Variants in DMD observed in about 807,000 individuals in gnomAD.
The protein encoded by DMD is mutant dystrophin.
A neutral mutation model predicts 330.1 loss-of-function variants in DMD; 63 were observed. The ratio of observed to expected loss-of-function variants is 0.19; its 90% CI spans 0.16 to 0.24. The LOEUF is 0.24. Among genes scored for constraint, DMD ranks in the 10% least tolerant of loss-of-function variants. The pLI is 1.00. For missense variants in DMD, 3,344 were observed against 2,684.1 expected, an observed-to-expected ratio of 1.25 and a Z score of -5.43; for synonymous variants, 1,223 against 959.8, an observed-to-expected ratio of 1.27 and a Z score of -5.07.
intron 1 of DMD, among the ~76,000 whole-genome samples, chrX:33,220,183 C>T (rs887795811): frequency 2.7e-5 from 3 of 111,171 alleles, no homozygotes; most frequent in South Asian, 3.8e-4. Context: ...GCACAAGAGG[C>T]GTTGGTGATA....
intron 48 of DMD, among the ~76,000 whole-genome samples, chrX:31,846,702 T>C (rs1178663942): frequency 1.8e-5 from 2 of 111,490 alleles, no homozygotes; most frequent in Non-Finnish European, 3.8e-5. Context: ...TCTGTGTTTC[T>C]TGTGTGCAGC....
At chrX:32,408,682 T>G (rs2098128902) in intron 30 of DMD, among the ~76,000 whole-genome samples, 1 of 111,901 alleles carries the variant, frequency 8.9e-6, no homozygotes, top group African/African-American at 3.2e-5. Flanking sequence ...TCATACATTT[T>G]TTCCTGCTTC....
At chrX:31,126,803 GAAAAAA>G (rs58738809) in intron 77 of DMD, 130 bp from the exon 78 acceptor site, 970 of 252,956 alleles carry the variant, frequency 3.8e-3, no homozygotes, top group African/African-American at 0.016. Flanking sequence ...TTCTCTGCTG[GAAAAAA>G]AAAAAAAAAA....
At position 31,959,242 on chromosome X, in the gene DMD, C is replaced by T. The variant is rs140962414; in HGVS notation, c.6614+9097G>A. 2.2e-3 allele frequency among the ~76,000 whole-genome samples: 247 copies of T among 111,542 alleles called. 2 individuals carry two copies. Among genetic ancestry groups the T allele is most frequent in the African/African-American group, 7.6e-3 (234 of 30,648 alleles). ...GATGCAAATCTAAAGCATATAAAAACGTCCCAACATCCTTATATTCTACCC... is the reference window on the plus strand; with the variant it reads ...GATGCAAATCTAAAGCATATAAAAATGTCCCAACATCCTTATATTCTACCC... On this transcript the variant is annotated intron_variant, in intron 45 of 78. Coordinates refer to ENST00000357033, the MANE Select transcript of DMD (RefSeq NM_004006.3).
In DMD at chrX:32,849,831, A is replaced by G; in HGVS notation, c.94-11T>C. The G allele has an allele frequency of 8.9e-7, 1 of 1,129,165 alleles. No individual in the cohort carries two copies. The highest frequency in any genetic ancestry group is 1.2e-6 in the Non-Finnish European group (1 of 820,266). The allele number at this position is 1,129,165 out of a possible 1,213,427, so 93.1% of individuals were successfully genotyped here. On this transcript the variant is annotated splice_polypyrimidine_tract_variant and intron_variant, in intron 2 of 78. Transcript: ENST00000357033. Reference sequence around the variant, plus strand: ...ATGCTGCTTCCCAAACTGAAATTAAAAAAAATACACTCAATTTAACAAAGC... The same window carrying G: ...ATGCTGCTTCCCAAACTGAAATTAAGAAAAATACACTCAATTTAACAAAGC...
At chrX:31,690,793 A>G (rs1190278069) in intron 52 of DMD, among the ~76,000 whole-genome samples, 2 of 111,905 alleles carry the variant, frequency 1.8e-5, no homozygotes, top group African/African-American at 6.5e-5. Flanking sequence ...CAACCATAAA[A>G]AAGGATGAGT....
intron 2 of DMD, among the ~76,000 whole-genome samples, chrX:33,014,896 A>C (rs1047698037): frequency 8.9e-6 from 1 of 112,062 alleles, no homozygotes; most frequent in East Asian, 2.8e-4. Flanking sequence ...TATAAGAAAA[A>C]TAAGACTCAG....
At chrX:33,226,407 G>T (rs1251275817) in intron 1 of DMD, among the ~76,000 whole-genome samples, 1 of 111,892 alleles carries the variant, frequency 8.9e-6, no homozygotes, top group Non-Finnish European at 1.9e-5. Flanking sequence ...CATTGTTGAT[G>T]CACATTACAA....
chrX:32,542,850 C>T (rs2048611637), intron 17 of DMD, among the ~76,000 whole-genome samples: 1 of 111,947 alleles, frequency 8.9e-6, no homozygotes, highest in African/African-American at 3.2e-5. Context: ...GATAATTTTG[C>T]CGTCCAAATC....
At chrX:31,964,099 G>A (rs1369404043) in intron 45 of DMD, among the ~76,000 whole-genome samples, 1 of 111,341 alleles carries the variant, frequency 9.0e-6, no homozygotes, top group East Asian at 2.8e-4. Flanking sequence ...AAGTATTCTC[G>A]CCAAACATGT....
chrX:31,245,353 G>T (rs757035879), intron 63 of DMD, among the ~76,000 whole-genome samples: 2 of 111,267 alleles, frequency 1.8e-5, no homozygotes, highest in South Asian at 7.6e-4. Context: ...TTTTCCTCCC[G>T]AGCAAAATCA....
At position 33,060,682 on chromosome X, in the gene DMD, A is replaced by T. The variant is rs761110236; in HGVS notation, c.32-40482T>A. Among the ~76,000 whole-genome samples the T allele has an allele frequency of 9.1e-5, 10 of 109,771 alleles. 1 individual carries two copies. In the Admixed American group the frequency reaches 9.8e-4, roughly 11 times the overall value. On this transcript the variant is annotated intron_variant, in intron 1 of 78. Coordinates refer to ENST00000357033, the MANE Select transcript of DMD (RefSeq NM_004006.3). The stretch of plus-strand genomic sequence containing the variant: ...ACCCCTTTCTCTACTAAAAATACAA[A>T]AAAAATTAGCCGGGCGTGGTGGCAT...
intron 62 of DMD, among the ~76,000 whole-genome samples, chrX:31,303,569 T>C (rs1323857945): frequency 9.0e-6 from 1 of 111,586 alleles, no homozygotes; most frequent in Non-Finnish European, 1.9e-5. Context: ...CCTAAAAATC[T>C]CTCAAATCTA....
intron 5 of DMD, among the ~76,000 whole-genome samples, chrX:32,821,598 TA>T (rs1030167421): frequency 2.3e-4 from 24 of 102,526 alleles, no homozygotes; most frequent in African/African-American, 7.1e-4. Flanking sequence ...AAAATAAAAA[TA>T]AAAAAAAATA....
intron 47 of DMD, among the ~76,000 whole-genome samples, chrX:31,914,164 G>A (rs1419815214): frequency 2.7e-5 from 3 of 111,975 alleles, no homozygotes; most frequent in African/African-American, 6.5e-5. Flanking sequence ...TGGAGAGGGA[G>A]AGAAGTACTG....
At chrX:31,214,941 T>TC (rs201521752) in intron 64 of DMD, among the ~76,000 whole-genome samples, 7,431 of 69,157 alleles carry the variant, frequency 0.11, 380 homozygotes, top group African/African-American at 0.21. Context: ...TTTTTTCTTT[T>TC]TTTTTTTTTT....
intron 1 of DMD, chrX:33,128,478 A>G (rs2095478387): frequency 1.1e-6 from 1 of 900,031 alleles, no homozygotes; most frequent in African/African-American, 2.0e-5. Context: ...TCACCGGCTC[A>G]ATCTACCTGA....
At chrX:31,831,765 A>G (rs1453501393) in intron 49 of DMD, among the ~76,000 whole-genome samples, 1 of 110,551 alleles carries the variant, frequency 9.0e-6, no homozygotes, top group Non-Finnish European at 1.9e-5. Flanking sequence ...AGCCCGGCTA[A>G]TTTTGTTTTT....
intron 2 of DMD, among the ~76,000 whole-genome samples, chrX:32,862,399 G>A (rs1282948474): frequency 9.0e-6 from 1 of 111,698 alleles, no homozygotes; most frequent in Admixed American, 9.5e-5. Context: ...AAATCAAGTT[G>A]TTATATGTAA....
Sources: gnomAD v4.1 joint callset for allele counts (sites outside exome capture counted in the v4.1 genomes callset) on GRCh38, gnomAD v4.1.1 for gene constraint, MANE v1.5 for transcripts, NCBI Gene and HGNC (gene_info 2026-07-23, HGNC 2026-07-21) for gene names.